The following SGCZ variants were observed in gnomAD, a reference collection of about 807,000 sequenced individuals.
SGCZ encodes the protein zeta-sarcoglycan.
Under a neutral mutation model 41.3 loss-of-function variants are expected in SGCZ, and 40 were observed. The observed-to-expected ratio is 0.97, with a 90% CI of 0.75 to 1.26. SGCZ has a LOEUF of 1.26. Ranked by LOEUF, SGCZ falls within the 50% of genes most tolerant of loss-of-function variation. The pLI is 0.00. For synonymous variants in SGCZ, 206 were observed against 137.5 expected, an observed-to-expected ratio of 1.50 and a Z score of -3.49; for missense variants, 552 against 369.8, an observed-to-expected ratio of 1.49 and a Z score of -4.04.
At chr8:14,990,881 A>T (rs999170473) in intron 1 of SGCZ, among the ~76,000 whole-genome samples, 3 of 152,032 alleles carry the variant, frequency 2.0e-5, no homozygotes, top group African/African-American at 7.2e-5. Context: ...AATTTATTTA[A>T]ATCTCAGAGG....
intron 1 of SGCZ, among the ~76,000 whole-genome samples, chr8:14,827,674 G>C (rs1802380698): frequency 6.6e-6 from 1 of 152,156 alleles, no homozygotes; most frequent in African/African-American, 2.4e-5. Flanking sequence ...GCCCTGCAGA[G>C]CCTTAAATAT....
At chr8:15,103,440 G>C (rs1411535094) in intron 1 of SGCZ, among the ~76,000 whole-genome samples, 1 of 120,108 alleles carries the variant, frequency 8.3e-6, no homozygotes, top group Non-Finnish European at 1.8e-5. Context: ...AAAAGTAAAT[G>C]AAGAGCCATA....
chr8:14,891,660 C>T (rs773949063), intron 1 of SGCZ, among the ~76,000 whole-genome samples: 5 of 152,156 alleles, frequency 3.3e-5, no homozygotes, highest in African/African-American at 4.8e-5. Flanking sequence ...GGAATGACTC[C>T]AATTTTAAAA....
At chr8:15,110,633 G>A (rs1175139417) in intron 1 of SGCZ, among the ~76,000 whole-genome samples, 2 of 152,190 alleles carry the variant, frequency 1.3e-5, no homozygotes, top group Non-Finnish European at 2.9e-5. Flanking sequence ...CTAGGGCAGA[G>A]TGGGCAGAGC....
intron 1 of SGCZ, among the ~76,000 whole-genome samples, chr8:14,872,194 G>C (rs570416577): frequency 1.3e-5 from 2 of 152,116 alleles, no homozygotes; most frequent in East Asian, 1.9e-4. Context: ...GGGAGGGATA[G>C]CATTAGGAGA....
chr8:14,181,873 C>G (rs995911076), intron 4 of SGCZ, among the ~76,000 whole-genome samples: 1 of 152,112 alleles, frequency 6.6e-6, no homozygotes, highest in Non-Finnish European at 1.5e-5. Flanking sequence ...ACACCTGTTA[C>G]AATTATAGCC....
chr8:14,383,451 A>G (rs895947974), intron 2 of SGCZ, among the ~76,000 whole-genome samples: 7 of 152,224 alleles, frequency 4.6e-5, no homozygotes, highest in Admixed American at 1.3e-4. Context: ...ATGATGTTCC[A>G]GGCTAATTAG....
chr8:14,198,973 G>A (rs758301211), intron 4 of SGCZ, among the ~76,000 whole-genome samples: 41 of 152,118 alleles, frequency 2.7e-4, no homozygotes, highest in Admixed American at 5.2e-4. Flanking sequence ...TGTGATGATT[G>A]TGTTAACTGC....
intron 1 of SGCZ, among the ~76,000 whole-genome samples, chr8:15,029,468 C>T (rs1047478506): frequency 6.6e-6 from 1 of 151,806 alleles, no homozygotes; most frequent in Non-Finnish European, 1.5e-5. Context: ...TAGCTTGGGC[C>T]CTTAAAATCA....
At chr8:14,596,262 A>C (rs1805410002) in intron 1 of SGCZ, among the ~76,000 whole-genome samples, 1 of 152,214 alleles carries the variant, frequency 6.6e-6, no homozygotes, top group Admixed American at 6.5e-5. Context: ...GGTTATGGCA[A>C]AACTAGAAGG....
chr8:14,637,495 C>T (rs1322618325), intron 1 of SGCZ, among the ~76,000 whole-genome samples: 1 of 151,700 alleles, frequency 6.6e-6, no homozygotes, highest in African/African-American at 2.4e-5. Context: ...TAGCAGTCAC[C>T]AGTATCTATT....
At chr8:14,985,366 C>G (rs941099326) in intron 1 of SGCZ, among the ~76,000 whole-genome samples, 1 of 152,128 alleles carries the variant, frequency 6.6e-6, no homozygotes, top group Non-Finnish European at 1.5e-5. Context: ...CATGCTTTCT[C>G]TGACGAAAGG....
At chr8:14,364,064 A>T (rs908751094) in intron 2 of SGCZ, among the ~76,000 whole-genome samples, 4 of 152,098 alleles carry the variant, frequency 2.6e-5, no homozygotes, top group Non-Finnish European at 4.4e-5. Context: ...TCTCTACTCA[A>T]TAGATACTCT....
At chr8:14,627,032 C>T (rs1806482443) in intron 1 of SGCZ, among the ~76,000 whole-genome samples, 1 of 152,176 alleles carries the variant, frequency 6.6e-6, no homozygotes, top group Non-Finnish European at 1.5e-5. Flanking sequence ...GTCTCATTCT[C>T]TTAGCTAATC....
intron 1 of SGCZ, among the ~76,000 whole-genome samples, chr8:14,571,315 T>C (rs1804545971): frequency 6.6e-6 from 1 of 152,134 alleles, no homozygotes; most frequent in Non-Finnish European, 1.5e-5. Context: ...GAGAAGAGAT[T>C]TGGGTGGGGA....
At chr8:14,244,304 G>A (rs552342229) in intron 3 of SGCZ, among the ~76,000 whole-genome samples, 2 of 151,226 alleles carry the variant, frequency 1.3e-5, no homozygotes, top group East Asian at 3.9e-4. Context: ...CCCAGAGCAA[G>A]GTTGGTAAAA....
At chr8:14,891,703 G>A (rs985364669) in intron 1 of SGCZ, among the ~76,000 whole-genome samples, 1 of 152,130 alleles carries the variant, frequency 6.6e-6, no homozygotes, top group African/African-American at 2.4e-5. Context: ...GCTATCAAAC[G>A]GAGAGCATGC....
chr8:14,302,428 C>G (rs900314221), intron 3 of SGCZ, among the ~76,000 whole-genome samples: 1 of 152,056 alleles, frequency 6.6e-6, no homozygotes, highest in Non-Finnish European at 1.5e-5. Context: ...ATAAATGAAT[C>G]AATTTTATAT....
intron 1 of SGCZ, among the ~76,000 whole-genome samples, chr8:15,133,698 G>A (rs1202597484): frequency 6.6e-6 from 1 of 152,052 alleles, no homozygotes; most frequent in Admixed American, 6.6e-5. Context: ...TAACAAAAAT[G>A]ACAACAGTAA....
Sources: gnomAD v4.1 joint callset for allele counts (sites outside exome capture counted in the v4.1 genomes callset) on GRCh38, gnomAD v4.1.1 for gene constraint, MANE v1.5 for transcripts, NCBI Gene and HGNC (gene_info 2026-07-23, HGNC 2026-07-21) for gene names.